Variants in VXN observed in about 807,000 individuals in gnomAD.
VXN encodes uncharacterized protein C8orf46.
VXN carries 7 observed loss-of-function variants against 23.1 expected under a neutral mutation model. That is an observed-to-expected ratio of 0.30 (90% confidence interval 0.17 to 0.57). The LOEUF (loss-of-function observed/expected upper bound fraction) is 0.57. Among genes scored for constraint, VXN ranks in the 20% least tolerant of loss-of-function variants. The pLI is 0.91. For synonymous variants in VXN, 120 were observed against 105.8 expected (o/e 1.13, Z -0.83); for missense variants, 238 against 272.6 (o/e 0.87, Z 0.89).
chr8:66,507,610 T>A (rs1010724591), intron 3 of VXN, among the ~76,000 whole-genome samples: 4 of 152,194 alleles, frequency 2.6e-5, no homozygotes, highest in Non-Finnish European at 5.9e-5. Flanking sequence ...CCTGAGTCAG[T>A]CTTTTATTCT....
chr8:66,506,051 T>A (rs1807752789), intron 3 of VXN, among the ~76,000 whole-genome samples: 1 of 152,180 alleles, frequency 6.6e-6, no homozygotes, highest in African/African-American at 2.4e-5. Flanking sequence ...CCCAAAGTGC[T>A]GGGATTACAG....
At chr8:66,499,462 G>A (rs954832608) in intron 2 of VXN, among the ~76,000 whole-genome samples, 2 of 151,870 alleles carry the variant, frequency 1.3e-5, no homozygotes, top group Non-Finnish European at 2.9e-5. Flanking sequence ...CAAACTCTTG[G>A]ACTCAAGTGA....
rs1271200991 is a variant in VXN, at chr8:66,516,664, T to A, written c.*588T>A. ...TATTCTTTTATGTGCAGTTTTTCTATAGAAAAACATTAAAAGTTAAATGTT... is the reference window on the plus strand; with the variant it reads ...TATTCTTTTATGTGCAGTTTTTCTAAAGAAAAACATTAAAAGTTAAATGTT... On this transcript the variant is annotated 3_prime_UTR_variant, in exon 6 of 6. Coordinates refer to ENST00000305454, the MANE Select transcript of VXN (RefSeq NM_152765.4). 6.6e-6 allele frequency: 1 copy of A among 152,258 alleles called. No homozygotes were observed. The highest frequency in any genetic ancestry group is 2.4e-5 in the African/African-American group (1 of 41,472). The allele number at this position is 152,258 out of a possible 1,614,324, so 9.4% of individuals were successfully genotyped here.
intron 2 of VXN, among the ~76,000 whole-genome samples, chr8:66,497,862 A>C (rs1196949416): frequency 2.0e-5 from 3 of 152,132 alleles, no homozygotes; most frequent in African/African-American, 7.2e-5. Context: ...CGACTCTACA[A>C]AAAAGTCAAA....
At chr8:66,509,385 G>A (rs1364843798) in intron 3 of VXN, among the ~76,000 whole-genome samples, 1 of 152,142 alleles carries the variant, frequency 6.6e-6, no homozygotes, top group Admixed American at 6.6e-5. Context: ...CAGGAATAAA[G>A]GCATTAGAAA....
chr8:66,498,337 A>T (rs889187003), intron 2 of VXN, among the ~76,000 whole-genome samples: 4 of 151,912 alleles, frequency 2.6e-5, no homozygotes, highest in Non-Finnish European at 4.4e-5. Context: ...TGCCTCAAAT[A>T]AAAAAAATAA....
chr8:66,507,705 G>A (rs1385830478), intron 3 of VXN, among the ~76,000 whole-genome samples: 3 of 144,956 alleles, frequency 2.1e-5, no homozygotes, highest in Admixed American at 6.9e-5. Context: ...TGCCAGCGAG[G>A]TTTCAAAAAA....
rs1807627583 is a variant in VXN at position 66,496,474 on chromosome 8, G to A, written c.108G>A (p.Gln36=). Residue 36 remains glutamine (Q), a synonymous_variant, in exon 2 of 6, where the codon CAG becomes CAA. Coordinates refer to ENST00000305454, the MANE Select transcript of VXN (RefSeq NM_152765.4). ...SPARRRAKSS[Q]HLLTKNVVIE... is the part of the protein sequence containing the mutation. ...CCAGAAGAAGAGCCAAAAGCTCTCA[G>A]CACCTCTTGACCAAGAATGTAAGGA... is the stretch of plus-strand genomic sequence containing the variant. 1 of 1,614,022 alleles carries A rather than the reference G, an allele frequency of 6.2e-7. No individual in the cohort carries two copies. Among genetic ancestry groups the A allele is most frequent in the Admixed American group, 1.7e-5 (1 of 60,006 alleles).
At chr8:66,509,929 C>G (rs899018309) in intron 3 of VXN, among the ~76,000 whole-genome samples, 167 bp from the exon 4 acceptor site, 13 of 152,152 alleles carry the variant, frequency 8.5e-5, no homozygotes, top group African/African-American at 3.1e-4. Flanking sequence ...AGAAGAGTGA[C>G]AGTTGCCTTG....
intron 2 of VXN, among the ~76,000 whole-genome samples, chr8:66,504,375 C>G (rs948076569): frequency 1.3e-5 from 2 of 152,022 alleles, no homozygotes; most frequent in Admixed American, 1.3e-4. Context: ...AAATCAGGAA[C>G]AGCTGTGATG....
intron 4 of VXN, among the ~76,000 whole-genome samples, chr8:66,513,026 G>T (rs959116561): frequency 5.9e-5 from 9 of 152,304 alleles, no homozygotes; most frequent in African/African-American, 2.2e-4. Flanking sequence ...GGTGGATCTG[G>T]TCGGAAGCAA....
intron 2 of VXN, among the ~76,000 whole-genome samples, chr8:66,497,470 G>C (rs1385755032): frequency 6.6e-6 from 1 of 152,136 alleles, no homozygotes; most frequent in Non-Finnish European, 1.5e-5. Context: ...TCCTCTTTTT[G>C]TATTATGTTT....
chr8:66,517,781 A>G lies in VXN; in HGVS notation c.*1705A>G, dbSNP rs1008161613. On this transcript the variant is annotated 3_prime_UTR_variant, in exon 6 of 6. Coordinates refer to ENST00000305454, the MANE Select transcript of VXN (RefSeq NM_152765.4). ...GAAATTTAGCCTAAGACAGTGCTGG[A>G]AATTGCCATATGTTGATACAAAGAA... The G allele has an allele frequency of 2.2e-4, 34 of 152,254 alleles. No homozygotes were observed. The highest frequency in any genetic ancestry group is 7.5e-4 in the African/African-American group (31 of 41,476). The allele number at this position is 152,254 out of a possible 1,614,324, so 9.4% of individuals were successfully genotyped here.
chr8:66,510,341 T>A, intron 4 of VXN, 184 bp downstream of exon 4: 1 of 566,202 alleles, frequency 1.8e-6, no homozygotes, highest in Non-Finnish European at 3.1e-6. Context: ...TGTACCCTTG[T>A]GGAATATCCC....
intron 2 of VXN, chr8:66,498,773 A>G: frequency 2.2e-6 from 1 of 453,194 alleles, no homozygotes. Context: ...AGAATAGTGC[A>G]AAATTTAAAA....
chr8:66,496,601 A>G, intron 2 of VXN, 109 bp downstream of exon 2: 4 of 1,013,960 alleles, frequency 3.9e-6, no homozygotes, highest in East Asian at 2.4e-5. Flanking sequence ...GGAGGGTTTC[A>G]GTGTTCCATG....
rs199568191 is a variant in VXN at position 66,516,102 on chromosome 8, G to A, written c.*26G>A. On this transcript the variant is annotated 3_prime_UTR_variant, in exon 6 of 6. Transcript: ENST00000305454. ...AGGTGACCCTCTTCAAGTGCCCTGT[G>A]TTGGCCAAGGTTCCCCGGACAAGAG... The A allele has an allele frequency of 1.7e-4, 258 of 1,562,764 alleles. 1 individual carries two copies. The African/African-American group carries it at 3.2e-3, about 19-fold the overall frequency.
intron 4 of VXN, 195 bp downstream of exon 4, chr8:66,510,352 T>TG: frequency 1.9e-6 from 1 of 538,156 alleles, no homozygotes; most frequent in East Asian, 3.3e-5. Context: ...GGAATATCCC[T>TG]GGCTGCTTCT....
chr8:66,508,460 T>G (rs1305476474), intron 3 of VXN, among the ~76,000 whole-genome samples: 4 of 152,022 alleles, frequency 2.6e-5, no homozygotes, highest in Non-Finnish European at 4.4e-5. Context: ...CACACTGACC[T>G]CTCCAAGGCT....
Sources: gnomAD v4.1 joint callset for allele counts (sites outside exome capture counted in the v4.1 genomes callset) on GRCh38, gnomAD v4.1.1 for gene constraint, MANE v1.5 for transcripts, NCBI Gene and HGNC (gene_info 2026-07-23, HGNC 2026-07-21) for gene names.